The following NIBAN1 variants were observed in gnomAD, a reference collection of about 807,000 sequenced individuals.
NIBAN1 encodes protein Niban 1.
A neutral mutation model predicts 75.1 loss-of-function variants in NIBAN1; 81 were observed. That is an observed-to-expected ratio of 1.08 (90% CI 0.90 to 1.30). The LOEUF is 1.30. Among genes scored for constraint, NIBAN1 ranks in the 50% most tolerant of loss-of-function variants. NIBAN1 has a pLI of 0.00. For synonymous variants in NIBAN1, 436 were observed against 424.8 expected (o/e 1.03, Z -0.32); for missense variants, 1,133 against 1,128.1 (o/e 1.00, Z -0.06).
rs989980806 is a variant in NIBAN1 at position 184,894,059 on chromosome 1, C to G, written c.318+16G>C. 6.3e-7 allele frequency: 1 copy of G among 1,587,238 alleles called. No individual in the cohort carries two copies. The highest frequency in any genetic ancestry group is 8.5e-7 in the Non-Finnish European group (1 of 1,169,686). ...AGAACAGTGTAAGAATCAGTAGTAA[C>G]AAAGAAGTGTCTTACCTCTTTATTC... On this transcript the variant is annotated intron_variant, in intron 3 of 13. Transcript: ENST00000367511.
intron 1 of NIBAN1, among the ~76,000 whole-genome samples, chr1:184,924,104 G>A (rs113167105): frequency 8.5e-5 from 13 of 152,158 alleles, no homozygotes; most frequent in African/African-American, 3.1e-4. Context: ...GGGATGTCCA[G>A]TACTATGTTG....
At chr1:184,846,044 G>C (rs1245436793) in intron 5 of NIBAN1, among the ~76,000 whole-genome samples, 31 of 86,414 alleles carry the variant, frequency 3.6e-4, no homozygotes, top group African/African-American at 1.6e-3. Context: ...GCGAGGCTGG[G>C]GGAGGGGCAC....
At chr1:184,808,364 T>G in intron 9 of NIBAN1, 129 bp from the exon 10 acceptor site, 2 of 906,350 alleles carry the variant, frequency 2.2e-6, no homozygotes, top group Non-Finnish European at 1.6e-6. Flanking sequence ...CTTGGATCCC[T>G]ACATCTGTGA....
Position 184,917,505 on chromosome 1 carries a change from G to C in NIBAN1, c.56-18196C>G, listed in dbSNP as rs147590960. ...ATTACAGGCGTGAGCCACCCTGCCC[G>C]GCCGGTCTCTTCCACTTTTCAAAGC... is the stretch of plus-strand genomic sequence containing the variant. On this transcript the variant is annotated intron_variant, in intron 1 of 13. Coordinates refer to ENST00000367511, the MANE Select transcript of NIBAN1 (RefSeq NM_052966.4). Among the ~76,000 whole-genome samples the C allele has an allele frequency of 4.5e-3, 676 of 151,216 alleles. 6 individuals are homozygous for C. Among genetic ancestry groups the C allele is most frequent in the East Asian group, 0.033 (166 of 5,086 alleles).
At chr1:184,815,703 T>TA (rs1207137140) in intron 9 of NIBAN1, among the ~76,000 whole-genome samples, 1 of 152,174 alleles carries the variant, frequency 6.6e-6, no homozygotes, top group African/African-American at 2.4e-5. Context: ...CTTTAATAGA[T>TA]AAAAAATGAA....
chr1:184,935,921 G>A (rs552300190), intron 1 of NIBAN1, among the ~76,000 whole-genome samples: 5 of 151,496 alleles, frequency 3.3e-5, no homozygotes, highest in Non-Finnish European at 5.9e-5. Flanking sequence ...CGGGAGACAG[G>A]CTCACAGGTG....
intron 1 of NIBAN1, among the ~76,000 whole-genome samples, chr1:184,920,986 G>A (rs753907181): frequency 1.8e-4 from 28 of 152,162 alleles, no homozygotes; most frequent in East Asian, 5.8e-4. Flanking sequence ...AAAATTAGCC[G>A]GGTGTGGTGG....
intron 1 of NIBAN1, among the ~76,000 whole-genome samples, chr1:184,945,313 C>T (rs1658193632): frequency 6.6e-6 from 1 of 151,106 alleles, no homozygotes; most frequent in Non-Finnish European, 1.5e-5. Context: ...GGCAGAAACC[C>T]TCTTAACCAC....
intron 6 of NIBAN1, among the ~76,000 whole-genome samples, chr1:184,826,855 A>T (rs1350970873): frequency 2.0e-5 from 3 of 151,868 alleles, no homozygotes; most frequent in South Asian, 4.2e-4. Flanking sequence ...GTGGGTTACG[A>T]GTGGCGGGGG....
At chr1:184,974,236 G>A (rs955106873) in intron 1 of NIBAN1, 66 bp downstream of exon 1, 2 of 1,416,538 alleles carry the variant, frequency 1.4e-6, no homozygotes, top group Non-Finnish European at 1.8e-6. Flanking sequence ...TTGGGGCCCC[G>A]ACCGCGGCAG....
At position 184,792,926 on chromosome 1, in the gene NIBAN1, A is replaced by G. The variant is rs901273152; in HGVS notation, c.*2051T>C. 2.0e-5 allele frequency: 3 copies of G among 152,234 alleles called. No homozygotes were observed. Among genetic ancestry groups the G allele is most frequent in the Non-Finnish European group, 2.9e-5 (2 of 68,042 alleles). 9.4% of individuals were successfully genotyped at this position (152,234 alleles called of 1,614,324 possible). A position where few individuals can be genotyped will look rare whatever the true frequency, so the allele number is the denominator to read the frequency against. On this transcript the variant is annotated 3_prime_UTR_variant, in exon 14 of 14. Transcript: ENST00000367511. The stretch of plus-strand genomic sequence containing the variant: ...GAAGTAAACCTAATTTCAACACACC[A>G]TGCTAAATGCCAGGATATGAGTGAG...
chr1:184,824,398 A>G (rs767927486), intron 6 of NIBAN1, among the ~76,000 whole-genome samples: 3 of 152,130 alleles, frequency 2.0e-5, no homozygotes, highest in Non-Finnish European at 4.4e-5. Context: ...GCTCCAAGAG[A>G]TACAGCCACA....
intron 6 of NIBAN1, among the ~76,000 whole-genome samples, chr1:184,828,535 A>T (rs1367248806): frequency 6.6e-6 from 1 of 152,090 alleles, no homozygotes; most frequent in African/African-American, 2.4e-5. Context: ...CTTTACTGTT[A>T]TGCACCATGT....
chr1:184,793,195 GA>G lies in NIBAN1; in HGVS notation c.*1781del, dbSNP rs1189703546. On this transcript the variant is annotated 3_prime_UTR_variant, in exon 14 of 14. Transcript: ENST00000367511. ...CTGTGTGTGAAGCAAATGCTCTAAAGAACTGACATAAATTTACTCGATAGTG... is the reference window on the plus strand; with the variant it reads ...CTGTGTGTGAAGCAAATGCTCTAAAGACTGACATAAATTTACTCGATAGTG... The G allele has an allele frequency of 1.3e-5, 2 of 152,158 alleles. No homozygotes were observed. Among genetic ancestry groups the G allele is most frequent in the Non-Finnish European group, 1.5e-5 (1 of 68,016 alleles). The allele number at this position is 152,158 out of a possible 1,614,324, so 9.4% of individuals were successfully genotyped here. A position where few individuals can be genotyped will look rare whatever the true frequency, so the allele number is the denominator to read the frequency against.
At chr1:184,926,198 T>C (rs1235239778) in intron 1 of NIBAN1, among the ~76,000 whole-genome samples, 1 of 152,210 alleles carries the variant, frequency 6.6e-6, no homozygotes, top group East Asian at 1.9e-4. Flanking sequence ...AGAAGTCTGC[T>C]GCCAGACATA....
intron 5 of NIBAN1, among the ~76,000 whole-genome samples, chr1:184,856,775 G>T (rs1655689543): frequency 6.6e-6 from 1 of 152,212 alleles, no homozygotes; most frequent in Non-Finnish European, 1.5e-5. Flanking sequence ...CCGGCACTCT[G>T]AACAATCACA....
rs540090221 is a variant in NIBAN1, at chr1:184,856,101, T to C, written c.602-24139A>G. 7.2e-5 allele frequency among the ~76,000 whole-genome samples: 11 copies of C among 152,342 alleles called. No homozygotes were observed. The South Asian group carries it at 1.7e-3, about 23-fold the overall frequency. ...ATTACTTCTGACTTATTCCCATATT[T>C]TTCTAGTTATAAATGCTGAATCCAC... On this transcript the variant is annotated intron_variant, in intron 5 of 13. Transcript: ENST00000367511.
chr1:184,920,560 C>T (rs913360503), intron 1 of NIBAN1, among the ~76,000 whole-genome samples: 1 of 152,130 alleles, frequency 6.6e-6, no homozygotes, highest in Non-Finnish European at 1.5e-5. Context: ...AGCTTCTAAC[C>T]ACTATTAGTA....
intron 1 of NIBAN1, among the ~76,000 whole-genome samples, chr1:184,906,417 G>A (rs1657106513): frequency 6.6e-6 from 1 of 152,084 alleles, no homozygotes; most frequent in South Asian, 2.1e-4. Flanking sequence ...GATCACCTGA[G>A]GTCAGAAGTT....
Sources: gnomAD v4.1 joint callset for allele counts (sites outside exome capture counted in the v4.1 genomes callset) on GRCh38, gnomAD v4.1.1 for gene constraint, MANE v1.5 for transcripts, NCBI Gene and HGNC (gene_info 2026-07-23, HGNC 2026-07-21) for gene names.